DCC: variants seen among roughly 807,000 people sequenced by gnomAD.
DCC encodes the protein netrin receptor DCC.
A neutral mutation model predicts 172.5 loss-of-function variants in DCC; 58 were observed. The observed-to-expected ratio is 0.34, with a 90% confidence interval of 0.27 to 0.42. DCC has a LOEUF of 0.42. Among genes scored for constraint, DCC ranks in the 10% least tolerant of loss-of-function variants. DCC has a pLI of 1.00. For synonymous variants in DCC, 709 were observed against 644.5 expected (o/e 1.10, Z -1.52); for missense variants, 1,740 against 1,791.0 (o/e 0.97, Z 0.51).
intron 7 of DCC, among the ~76,000 whole-genome samples, chr18:53,132,535 G>C (rs1396435370): frequency 2.0e-5 from 3 of 152,090 alleles, no homozygotes; most frequent in Non-Finnish European, 2.9e-5. Flanking sequence ...CTTGTGACAA[G>C]ATTATAAAGG....
At chr18:52,848,448 G>C (rs2038929219) in intron 2 of DCC, among the ~76,000 whole-genome samples, 1 of 152,126 alleles carries the variant, frequency 6.6e-6, no homozygotes. Flanking sequence ...TCAGTAAGTA[G>C]TTACTTTTGG....
intron 2 of DCC, among the ~76,000 whole-genome samples, chr18:52,861,237 C>A (rs1455003318): frequency 6.6e-6 from 1 of 152,138 alleles, no homozygotes. Context: ...CTTGCAAGGT[C>A]AGGAACCTTG....
chr18:52,843,228 G>A (rs368296882), intron 2 of DCC, among the ~76,000 whole-genome samples: 14 of 152,266 alleles, frequency 9.2e-5, no homozygotes, highest in African/African-American at 2.9e-4. Context: ...TTTATGCAAA[G>A]GATTAACAAG....
In DCC at chr18:52,752,213, G is replaced by A. The variant is rs781178843; in HGVS notation, c.251G>A (p.Gly84Glu). ...WKKDGIHLALGMDERKQQLSN... is the reference protein window; with the variant it reads ...WKKDGIHLALEMDERKQQLSN... Reference sequence around the variant, plus strand: ...AAAGATGGCATTCATCTGGCCTTGGGAATGGATGAAAGGAAGCAGCAACTT... The same window carrying A: ...AAAGATGGCATTCATCTGGCCTTGGAAATGGATGAAAGGAAGCAGCAACTT... The change falls in exon 2 of 29, where the codon GGA becomes GAA. Residue 84 changes from glycine to glutamate, a missense_variant. This residue lies in a region of DCC where 1,732 missense variants were observed against 1,767.4 expected (regional missense o/e 0.98). Transcript: ENST00000442544. The A allele has an allele frequency of 1.2e-6, 2 of 1,614,034 alleles. No homozygotes were observed. Among genetic ancestry groups the A allele is most frequent in the African/African-American group, 2.7e-5 (2 of 74,918 alleles).
In DCC at chr18:52,610,396, A is replaced by AAAAAAAAAAAAG. The variant is rs2034252013; in HGVS notation, c.92-141652_92-141641dup. On this transcript the variant is annotated intron_variant, in intron 1 of 28. Transcript: ENST00000442544. ...CTCTGTCTCAACAAAAAAAAAAAAA[A>AAAAAAAAAAAAG]AAAAAAAAAAAGAAAAAGAAAAAGA... Among the ~76,000 whole-genome samples, 3 of 141,096 alleles carry AAAAAAAAAAAAG rather than the reference A, an allele frequency of 2.1e-5. No individual in the cohort carries two copies. In the East Asian group the frequency reaches 6.1e-4, roughly 29 times the overall value. 92.6% of individuals were successfully genotyped at this position (141,096 alleles called of 152,430 possible).
intron 15 of DCC, among the ~76,000 whole-genome samples, chr18:53,373,683 T>G (rs1056373484): frequency 2.0e-5 from 3 of 152,136 alleles, no homozygotes; most frequent in Non-Finnish European, 4.4e-5. Flanking sequence ...TTCCACCTAC[T>G]CAGGTGTTCA....
chr18:52,866,748 G>A (rs140197813), intron 2 of DCC, among the ~76,000 whole-genome samples: 6,141 of 152,286 alleles, frequency 0.04, 170 homozygotes, highest in Non-Finnish European at 0.062. Context: ...CGGAGACTTT[G>A]CTGAAGTTGC....
chr18:52,575,395 G>A (rs541522295), intron 1 of DCC, among the ~76,000 whole-genome samples: 7 of 152,278 alleles, frequency 4.6e-5, no homozygotes, highest in African/African-American at 1.7e-4. Context: ...GATGGTGTAG[G>A]ATATTTATTA....
At chr18:53,515,478 G>A (rs1272560160) in intron 27 of DCC, among the ~76,000 whole-genome samples, 1 of 149,630 alleles carries the variant, frequency 6.7e-6, no homozygotes, top group Non-Finnish European at 1.5e-5. Flanking sequence ...GAAATAAAGG[G>A]TATTCAATTA....
intron 2 of DCC, among the ~76,000 whole-genome samples, chr18:52,842,005 CATAT>C (rs59449894): frequency 0.028 from 4,120 of 149,472 alleles, 163 homozygotes; most frequent in African/African-American, 0.091. Context: ...AATTTTTGCG[CATAT>C]ATATATATAT....
intron 12 of DCC, among the ~76,000 whole-genome samples, chr18:53,257,309 T>A (rs1212975702): frequency 6.6e-6 from 1 of 152,218 alleles, no homozygotes; most frequent in African/African-American, 2.4e-5. Context: ...AAGGGAATGC[T>A]TCCAGTTTTT....
intron 28 of DCC, 167 bp downstream of exon 28, chr18:53,526,926 G>A: frequency 2.9e-6 from 2 of 693,514 alleles, no homozygotes; most frequent in East Asian, 2.7e-5. Context: ...ATATGAAGAG[G>A]AAATAAAAGC....
At chr18:53,199,391 T>A (rs1411407063) in intron 9 of DCC, among the ~76,000 whole-genome samples, 1 of 152,098 alleles carries the variant, frequency 6.6e-6, no homozygotes, top group Non-Finnish European at 1.5e-5. Context: ...GCATCCAGCC[T>A]CATTGTTGAA....
intron 28 of DCC, among the ~76,000 whole-genome samples, chr18:53,527,841 A>T (rs529572910): frequency 1.3e-5 from 2 of 152,188 alleles, no homozygotes; most frequent in African/African-American, 4.8e-5. Flanking sequence ...AGGAATTAAC[A>T]TATCAGATAT....
At chr18:52,357,545 T>C (rs1204809862) in intron 1 of DCC, among the ~76,000 whole-genome samples, 1 of 151,926 alleles carries the variant, frequency 6.6e-6, no homozygotes, top group Non-Finnish European at 1.5e-5. Context: ...CTTAGATAAA[T>C]CCCCTATGCA....
intron 1 of DCC, among the ~76,000 whole-genome samples, chr18:52,482,063 T>C (rs185707982): frequency 2.1e-4 from 32 of 152,138 alleles, no homozygotes; most frequent in African/African-American, 7.5e-4. Flanking sequence ...AGGCTTTTGC[T>C]CATTCCCCAC....
At chr18:52,750,248 C>T (rs2036974063) in intron 1 of DCC, among the ~76,000 whole-genome samples, 1 of 152,074 alleles carries the variant, frequency 6.6e-6, no homozygotes, top group East Asian at 1.9e-4. Flanking sequence ...GCTTAAAAGA[C>T]CTTTCTGAGT....
chr18:53,316,959 C>T (rs571273289), intron 13 of DCC, among the ~76,000 whole-genome samples: 18 of 152,272 alleles, frequency 1.2e-4, no homozygotes, highest in African/African-American at 4.1e-4. Context: ...GCCTGATTGC[C>T]CTGGCCAGAA....
intron 19 of DCC, among the ~76,000 whole-genome samples, chr18:53,403,762 C>A (rs929729183): frequency 2.6e-5 from 4 of 152,142 alleles, no homozygotes; most frequent in African/African-American, 9.6e-5. Flanking sequence ...CAAAGTAATT[C>A]AGCCGTCCCG....
Sources: gnomAD v4.1 joint callset for allele counts (sites outside exome capture counted in the v4.1 genomes callset) on GRCh38, gnomAD v4.1.1 for gene constraint, gnomAD v4.1.1 regional missense constraint, MANE v1.5 for transcripts, NCBI Gene and HGNC (gene_info 2026-07-23, HGNC 2026-07-21) for gene names.